GNAI3: variants seen among roughly 807,000 people sequenced by gnomAD.
The protein encoded by GNAI3 is G protein subunit alpha i3.
GNAI3 carries 12 observed loss-of-function variants against 41.8 expected under a neutral mutation model. That is an observed-to-expected ratio of 0.29 (90% CI 0.18 to 0.47). GNAI3 has a LOEUF of 0.47. GNAI3 is among the 20% of genes least tolerant of loss of function. The probability of loss-of-function intolerance (pLI) is 1.00; values close to 1 mark genes in which losing one functional copy is unlikely to be tolerated. For missense variants in GNAI3, 360 were observed against 429.6 expected (o/e 0.84, Z 1.43); for synonymous variants, 132 against 146.5 (o/e 0.90, Z 0.71).
intron 1 of GNAI3, among the ~76,000 whole-genome samples, chr1:109,562,171 G>A (rs1648327836): frequency 6.6e-6 from 1 of 152,014 alleles, no homozygotes; most frequent in Non-Finnish European, 1.5e-5. Flanking sequence ...TTCTGCATCT[G>A]GATTTAACCA....
chr1:109,555,951 A>G (rs1446616013), intron 1 of GNAI3, among the ~76,000 whole-genome samples: 3 of 117,312 alleles, frequency 2.6e-5, no homozygotes, highest in African/African-American at 9.4e-5. Context: ...TGGGGAAAGG[A>G]GTGCGTGCGT....
chr1:109,568,206 C>T (rs17023593), intron 1 of GNAI3, among the ~76,000 whole-genome samples: 9,543 of 152,084 alleles, frequency 0.063, 985 homozygotes, highest in African/African-American at 0.22. Flanking sequence ...AGCATATGCT[C>T]TGGTACCTGC....
chr1:109,575,506 CTTTA>C (rs1172699844), intron 3 of GNAI3, among the ~76,000 whole-genome samples: 1 of 130,936 alleles, frequency 7.6e-6, no homozygotes, highest in South Asian at 2.5e-4. Context: ...GTCTGTCTTC[CTTTA>C]TTTATCTCCC....
At chr1:109,568,459 T>C (rs1375395806) in intron 1 of GNAI3, among the ~76,000 whole-genome samples, 1 of 152,092 alleles carries the variant, frequency 6.6e-6, no homozygotes, top group African/African-American at 2.4e-5. Flanking sequence ...GGGAGGAGGA[T>C]TGCTTGAGCC....
At chr1:109,556,485 CT>C (rs1648158470) in intron 1 of GNAI3, among the ~76,000 whole-genome samples, 2 of 152,100 alleles carry the variant, frequency 1.3e-5, no homozygotes, top group Non-Finnish European at 2.9e-5. Context: ...CTTTTGGTTC[CT>C]TTTTTAGAGG....
intron 5 of GNAI3, among the ~76,000 whole-genome samples, chr1:109,583,503 C>A (rs926382260): frequency 6.6e-5 from 10 of 152,180 alleles, no homozygotes; most frequent in African/African-American, 2.4e-4. Context: ...GTGTGAGCCA[C>A]CGTGCCCAGC....
intron 1 of GNAI3, among the ~76,000 whole-genome samples, chr1:109,550,300 G>A (rs1416198944): frequency 6.6e-6 from 1 of 152,190 alleles, no homozygotes; most frequent in East Asian, 1.9e-4. Flanking sequence ...TAAAGGGAAA[G>A]TTATGTATTG....
chr1:109,549,109 A>G (rs1647911291), intron 1 of GNAI3, among the ~76,000 whole-genome samples: 1 of 152,178 alleles, frequency 6.6e-6, no homozygotes, highest in Non-Finnish European at 1.5e-5. Context: ...ATGGGCCGGT[A>G]GATGTTGAGG....
At chr1:109,587,966 C>T (rs1190598796) in intron 7 of GNAI3, among the ~76,000 whole-genome samples, 1 of 152,066 alleles carries the variant, frequency 6.6e-6, no homozygotes, top group Non-Finnish European at 1.5e-5. Flanking sequence ...ACTCTTTATC[C>T]CCATCTTTTT....
intron 7 of GNAI3, among the ~76,000 whole-genome samples, chr1:109,590,784 T>C (rs138673622): frequency 3.3e-5 from 5 of 152,222 alleles, no homozygotes; most frequent in Admixed American, 6.5e-5. Context: ...CAGGCTGGTG[T>C]TGAACTCCTG....
rs1440049295 is a variant in GNAI3 at position 109,599,647 on chromosome 1, A to G, written c.*7325A>G. ...GAAGTACATTATGGTCTCTCCCTCT[A>G]AGAATATGAAGAGGAAATTTTACCT... On this transcript the variant is annotated 3_prime_UTR_variant, in exon 9 of 9. Transcript: ENST00000369851. 1.3e-5 allele frequency: 2 copies of G among 152,212 alleles called. No homozygotes were observed. Among genetic ancestry groups the G allele is most frequent in the African/African-American group, 4.8e-5 (2 of 41,452 alleles). The allele number at this position is 152,212 out of a possible 1,614,324, so 9.4% of individuals were successfully genotyped here.
At chr1:109,566,206 G>A (rs1648449367) in intron 1 of GNAI3, among the ~76,000 whole-genome samples, 1 of 152,172 alleles carries the variant, frequency 6.6e-6, no homozygotes, top group Non-Finnish European at 1.5e-5. Context: ...TTGAATAGGG[G>A]TTTTACGGAT....
In GNAI3 at chr1:109,570,192, CT is replaced by C. The variant is rs201448197; in HGVS notation, c.119-3544del. ...GAGTATTAACTATTTAGTACTACCC[CT>C]GATTATCGATTATGTAATAAGACAA... On this transcript the variant is annotated intron_variant, in intron 1 of 8. Transcript: ENST00000369851. Among the ~76,000 whole-genome samples the C allele has an allele frequency of 6.6e-4, 100 of 152,232 alleles. 1 individual carries two copies. In the East Asian group the frequency reaches 0.018, roughly 28 times the overall value.
At chr1:109,574,368 AG>A (rs1221104505) in intron 3 of GNAI3, among the ~76,000 whole-genome samples, 1 of 152,030 alleles carries the variant, frequency 6.6e-6, no homozygotes, top group Non-Finnish European at 1.5e-5. Flanking sequence ...TCTAAGAGAA[AG>A]GTTGCCATGA....
At position 109,598,901 on chromosome 1, in the gene GNAI3, C is replaced by T. The variant is rs371126356; in HGVS notation, c.*6579C>T. 31 of 534,804 alleles carry T rather than the reference C, an allele frequency of 5.8e-5. No homozygotes were observed. Among genetic ancestry groups the T allele is most frequent in the Non-Finnish European group, 1.0e-4 (27 of 260,030 alleles). 33.1% of individuals were successfully genotyped at this position (534,804 alleles called of 1,614,324 possible). A position where few individuals can be genotyped will look rare whatever the true frequency, so the allele number is the denominator to read the frequency against. On this transcript the variant is annotated 3_prime_UTR_variant, in exon 9 of 9. Transcript: ENST00000369851. ...GGAATCTGTGCTCTGGGGGCTGTGC[C>T]GGGTAGAGAGGGCAGTGGGAGGTAA...
intron 1 of GNAI3, among the ~76,000 whole-genome samples, chr1:109,553,482 G>A (rs1648047961): frequency 6.6e-6 from 1 of 152,038 alleles, no homozygotes; most frequent in African/African-American, 2.4e-5. Context: ...GCATATTATT[G>A]GCTGAATATG....
chr1:109,584,752 T>C (rs183572619), intron 5 of GNAI3, among the ~76,000 whole-genome samples: 3 of 152,356 alleles, frequency 2.0e-5, no homozygotes, highest in South Asian at 4.1e-4. Flanking sequence ...GTGAATGATA[T>C]TGTAAATGTT....
chr1:109,576,266 G>A (rs1423369760), intron 3 of GNAI3, among the ~76,000 whole-genome samples: 7 of 151,778 alleles, frequency 4.6e-5, no homozygotes, highest in East Asian at 2.0e-4. Context: ...ATGGGGTTTC[G>A]TCATGTTGGC....
chr1:109,583,151 A>T (rs573485499), intron 5 of GNAI3, among the ~76,000 whole-genome samples: 2 of 152,168 alleles, frequency 1.3e-5, no homozygotes, highest in Admixed American at 6.5e-5. Context: ...AGACTTGGGG[A>T]TAGAGGTATT....
Sources: gnomAD v4.1 joint callset for allele counts (sites outside exome capture counted in the v4.1 genomes callset) on GRCh38, gnomAD v4.1.1 for gene constraint, MANE v1.5 for transcripts, NCBI Gene and HGNC (gene_info 2026-07-23, HGNC 2026-07-21) for gene names.